MKLN1: variants seen among roughly 807,000 people sequenced by gnomAD.
MKLN1 encodes muskelin 1.
MKLN1 carries 18 observed loss-of-function variants against 99.0 expected under a neutral mutation model. The observed-to-expected ratio is 0.18, with a 90% CI of 0.13 to 0.27. The LOEUF (loss-of-function observed/expected upper bound fraction) is 0.27, where lower values mean the gene tolerates loss of function less well. Ranked by LOEUF, MKLN1 falls within the 10% of genes least tolerant of loss-of-function variation. The pLI, the probability that MKLN1 is intolerant of heterozygous loss-of-function variation, is 1.00. For missense variants in MKLN1, 621 were observed against 875.9 expected (o/e 0.71, Z 3.67); for synonymous variants, 288 against 293.2 (o/e 0.98, Z 0.18).
intron 3 of MKLN1, among the ~76,000 whole-genome samples, chr7:131,281,110 T>C (rs28790064): frequency 0.11 from 16,641 of 152,204 alleles, 1,516 homozygotes; most frequent in African/African-American, 0.26. Context: ...CAAGAAACTA[T>C]TGCCAAATCC....
intron 2 of MKLN1, among the ~76,000 whole-genome samples, chr7:131,381,617 C>T (rs558856668): frequency 5.9e-5 from 9 of 152,190 alleles, no homozygotes; most frequent in Non-Finnish European, 1.0e-4. Context: ...ATCCTGACCT[C>T]ATCACTACCA....
chr7:131,229,967 G>T (rs1215172736), intron 3 of MKLN1, among the ~76,000 whole-genome samples: 1 of 152,178 alleles, frequency 6.6e-6, no homozygotes, highest in Non-Finnish European at 1.5e-5. Context: ...TTATGTCAAA[G>T]AAATATACTT....
intron 1 of MKLN1, among the ~76,000 whole-genome samples, chr7:131,372,867 C>CTTTTCT (rs56912147): frequency 6.6e-6 from 1 of 151,616 alleles, no homozygotes; most frequent in Non-Finnish European, 1.5e-5. Flanking sequence ...GGCAATTAAT[C>CTTTTCT]TTTTCTTTTT....
intron 12 of MKLN1, among the ~76,000 whole-genome samples, chr7:131,459,193 C>A (rs1796439470): frequency 6.6e-6 from 1 of 152,184 alleles, no homozygotes; most frequent in African/African-American, 2.4e-5. Flanking sequence ...TTCTTCTTGG[C>A]CCCTCTGTGT....
chr7:131,224,884 T>C (rs900637779), intron 3 of MKLN1, among the ~76,000 whole-genome samples: 39 of 150,924 alleles, frequency 2.6e-4, no homozygotes, highest in Admixed American at 8.6e-4. Context: ...CCATCCTGGC[T>C]AACATGGTGA....
chr7:131,115,371 T>G (rs573144622), intron 1 of MKLN1, among the ~76,000 whole-genome samples: 68 of 152,328 alleles, frequency 4.5e-4, no homozygotes, highest in African/African-American at 1.6e-3. Context: ...CTCCAAAACA[T>G]TTCCAAAATG....
At chr7:131,378,555 C>T (rs942566332) in intron 2 of MKLN1, among the ~76,000 whole-genome samples, 2 of 152,168 alleles carry the variant, frequency 1.3e-5, no homozygotes, top group Non-Finnish European at 2.9e-5. Context: ...CACGGCCGGA[C>T]GTGGTGGCTC....
upstream of MKLN1, among the ~76,000 whole-genome samples, chr7:131,326,478 G>C (rs1798891972): frequency 1.3e-5 from 2 of 152,136 alleles, no homozygotes; most frequent in South Asian, 4.1e-4. Context: ...CCAAGTAGCT[G>C]AGATTATAGG....
At chr7:131,392,602 CTT>C (rs772614936) in intron 4 of MKLN1, among the ~76,000 whole-genome samples, 12 of 134,478 alleles carry the variant, frequency 8.9e-5, no homozygotes, top group South Asian at 2.3e-4. Context: ...CTCAGAACCT[CTT>C]TTTTTTTTTT....
chr7:131,397,173 T>C (rs1794385089), intron 4 of MKLN1, 94 bp from the exon 5 acceptor site: 1 of 796,472 alleles, frequency 1.3e-6, no homozygotes, highest in African/African-American at 1.7e-5. Flanking sequence ...GTTGAATGAA[T>C]CCTTATAAGG....
intron 2 of MKLN1, among the ~76,000 whole-genome samples, chr7:131,168,811 A>G (rs1796173474): frequency 6.6e-6 from 1 of 151,974 alleles, no homozygotes; most frequent in African/African-American, 2.4e-5. Context: ...AGGTTAAATA[A>G]TTTGTCCAAG....
At chr7:131,414,587 A>G (rs1020604867) in intron 7 of MKLN1, 58 bp from the exon 8 acceptor site, 9 of 1,200,360 alleles carry the variant, frequency 7.5e-6, no homozygotes, top group Admixed American at 2.1e-5. Context: ...GAATAAATTT[A>G]CTCTGGATAT....
At chr7:131,284,248 A>G (rs1798100858) in intron 3 of MKLN1, among the ~76,000 whole-genome samples, 1 of 152,218 alleles carries the variant, frequency 6.6e-6, no homozygotes, top group Non-Finnish European at 1.5e-5. Context: ...TATCTCATCA[A>G]TGATATACAA....
chr7:131,124,884 C>T (rs1246292768), intron 1 of MKLN1, among the ~76,000 whole-genome samples: 1 of 152,206 alleles, frequency 6.6e-6, no homozygotes, highest in African/African-American at 2.4e-5. Flanking sequence ...ATAGATAACC[C>T]ATTGCTAGGG....
chr7:131,278,022 C>T (rs1351930381), intron 3 of MKLN1, among the ~76,000 whole-genome samples: 1 of 152,040 alleles, frequency 6.6e-6, no homozygotes. Flanking sequence ...CTTTTCCCCT[C>T]CTTTTCCTCC....
intron 3 of MKLN1, among the ~76,000 whole-genome samples, chr7:131,311,400 T>C (rs2116639035): frequency 6.6e-6 from 1 of 152,264 alleles, no homozygotes; most frequent in Non-Finnish European, 1.5e-5. Context: ...TAATCATAAT[T>C]ATGACTGATA....
Position 131,245,960 on chromosome 7 carries a change from G to A in MKLN1, c.-179+42986G>A, listed in dbSNP as rs573284665. On this transcript the variant is annotated intron_variant, in intron 3 of 7. Transcript: ENST00000416992. ...ACTCTTTTGTTCAATGGGCAGATGCGTGATTGCTGTGCACCTGTGATGGTC... is the reference window on the plus strand; with the variant it reads ...ACTCTTTTGTTCAATGGGCAGATGCATGATTGCTGTGCACCTGTGATGGTC... Among the ~76,000 whole-genome samples the A allele has an allele frequency of 7.9e-5, 12 of 152,322 alleles. No homozygotes were observed. In the South Asian group the frequency reaches 2.3e-3, roughly 29 times the overall value.
chr7:131,248,278 T>C (rs1467572731), intron 3 of MKLN1, among the ~76,000 whole-genome samples: 1 of 150,642 alleles, frequency 6.6e-6, no homozygotes, highest in Non-Finnish European at 1.5e-5. Context: ...GTCTTGCCTC[T>C]AATTGGTATT....
chr7:131,406,958 G>A (rs1387910145), intron 6 of MKLN1, among the ~76,000 whole-genome samples: 1 of 152,038 alleles, frequency 6.6e-6, no homozygotes, highest in Non-Finnish European at 1.5e-5. Context: ...AAACTCCAGT[G>A]TGGCAGCCCT....
Sources: gnomAD v4.1 joint callset for allele counts (sites outside exome capture counted in the v4.1 genomes callset) on GRCh38, gnomAD v4.1.1 for gene constraint, MANE v1.5 for transcripts, NCBI Gene and HGNC (gene_info 2026-07-23, HGNC 2026-07-21) for gene names.